The following NOS1AP variants were observed in gnomAD, a reference collection of about 807,000 sequenced individuals.
NOS1AP encodes the protein carboxyl-terminal PDZ ligand of neuronal nitric oxide synthase protein.
In NOS1AP, 21 loss-of-function variants were observed where a neutral mutation model predicts 56.2. That is an observed-to-expected ratio of 0.37 (90% confidence interval 0.26 to 0.54). The LOEUF is 0.54. Among genes scored for constraint, NOS1AP ranks in the 20% least tolerant of loss-of-function variants. The pLI is 0.84. For synonymous variants in NOS1AP, 270 were observed against 274.6 expected, an observed-to-expected ratio of 0.98 and a Z score of 0.17; for missense variants, 522 against 657.8, an observed-to-expected ratio of 0.79 and a Z score of 2.26.
chr1:162,201,004 G>A (rs547345393), intron 2 of NOS1AP, among the ~76,000 whole-genome samples: 6 of 152,186 alleles, frequency 3.9e-5, no homozygotes, highest in Admixed American at 6.5e-5. Flanking sequence ...TTTCATCACC[G>A]ACATATTAAG....
chr1:162,299,440 C>T (rs956653852), intron 3 of NOS1AP, among the ~76,000 whole-genome samples: 5 of 152,170 alleles, frequency 3.3e-5, no homozygotes, highest in African/African-American at 4.8e-5. Context: ...GGGATGTTTA[C>T]AAAACCTGGG....
intron 1 of NOS1AP, among the ~76,000 whole-genome samples, chr1:162,116,854 A>G (rs1413032245): frequency 1.3e-5 from 2 of 152,174 alleles, no homozygotes; most frequent in African/African-American, 2.4e-5. Context: ...TCCTTTTAAC[A>G]AGTACAGTTT....
At chr1:162,309,692 C>T (rs748827863) in intron 4 of NOS1AP, among the ~76,000 whole-genome samples, 1 of 151,936 alleles carries the variant, frequency 6.6e-6, no homozygotes, top group Non-Finnish European at 1.5e-5. Flanking sequence ...TGGGGACAGC[C>T]GTTTAGTTAC....
chr1:162,094,278 C>T (rs1253284308), intron 1 of NOS1AP, among the ~76,000 whole-genome samples: 4 of 152,188 alleles, frequency 2.6e-5, no homozygotes, highest in Non-Finnish European at 5.9e-5. Context: ...GGTTGGTTCT[C>T]TTCCCTATGC....
chr1:162,319,306 G>A lies in NOS1AP; in HGVS notation c.345-13711G>A, dbSNP rs539298267. On this transcript the variant is annotated intron_variant, in intron 4 of 9. Coordinates refer to ENST00000361897, the MANE Select transcript of NOS1AP (RefSeq NM_014697.3). ...TTCTGTTGATTCCCCTAAGCATTCT[G>A]TATTGCAGTAGGCTCTTGGTGGCCT... Among the ~76,000 whole-genome samples, 41 of 152,210 alleles carry A rather than the reference G, an allele frequency of 2.7e-4. No homozygotes were observed. The South Asian group carries it at 8.3e-3, about 31-fold the overall frequency.
chr1:162,130,879 G>A (rs1315429645), intron 1 of NOS1AP, among the ~76,000 whole-genome samples: 2 of 152,096 alleles, frequency 1.3e-5, no homozygotes, highest in Non-Finnish European at 2.9e-5. Flanking sequence ...CAGATTTTTT[G>A]GATTGGGATC....
chr1:162,262,646 T>C (rs1475355227), intron 2 of NOS1AP, among the ~76,000 whole-genome samples: 1 of 152,216 alleles, frequency 6.6e-6, no homozygotes, highest in African/African-American at 2.4e-5. Context: ...ACAGCCACTT[T>C]TAATAGCAAA....
chr1:162,335,412 C>A (rs1338264576), intron 5 of NOS1AP, among the ~76,000 whole-genome samples: 1 of 152,196 alleles, frequency 6.6e-6, no homozygotes, highest in Non-Finnish European at 1.5e-5. Flanking sequence ...CTGGGGAGGG[C>A]TGGGGAACAC....
intron 2 of NOS1AP, among the ~76,000 whole-genome samples, chr1:162,161,617 G>A (rs1650223539): frequency 6.6e-6 from 1 of 151,926 alleles, no homozygotes; most frequent in Admixed American, 6.6e-5. Flanking sequence ...CCCTGAGATG[G>A]GCTCTTGCTC....
At chr1:162,354,228 CA>C (rs1311622883) in intron 6 of NOS1AP, among the ~76,000 whole-genome samples, 1 of 152,226 alleles carries the variant, frequency 6.6e-6, no homozygotes, top group Non-Finnish European at 1.5e-5. Flanking sequence ...CCACCTGTTC[CA>C]TTTTATAATT....
At chr1:162,318,957 G>A (rs1456588495) in intron 4 of NOS1AP, among the ~76,000 whole-genome samples, 2 of 152,248 alleles carry the variant, frequency 1.3e-5, no homozygotes, top group East Asian at 3.9e-4. Flanking sequence ...CACACCCAGA[G>A]AAATGATTCT....
intron 2 of NOS1AP, among the ~76,000 whole-genome samples, chr1:162,191,443 T>G (rs1651644244): frequency 1.3e-5 from 2 of 152,214 alleles, no homozygotes; most frequent in African/African-American, 4.8e-5. Context: ...GCTTGTTTCT[T>G]TCTGTTTCCT....
chr1:162,090,205 G>T (rs1051500869), intron 1 of NOS1AP, among the ~76,000 whole-genome samples: 2 of 151,530 alleles, frequency 1.3e-5, no homozygotes, highest in Non-Finnish European at 2.9e-5. Context: ...TATGCGAAAG[G>T]TCAAAACTGC....
At chr1:162,104,508 G>A (rs1426892486) in intron 1 of NOS1AP, among the ~76,000 whole-genome samples, 2 of 151,758 alleles carry the variant, frequency 1.3e-5, no homozygotes, top group Admixed American at 6.6e-5. Flanking sequence ...ATGTTTTCCA[G>A]CTTGGTTCCT....
intron 2 of NOS1AP, among the ~76,000 whole-genome samples, chr1:162,182,686 A>C (rs553755064): frequency 1.3e-5 from 2 of 152,224 alleles, no homozygotes; most frequent in Non-Finnish European, 2.9e-5. Context: ...TAGCGGGTCT[A>C]CAGGGAGTAT....
At chr1:162,157,729 T>A (rs1163020158) in intron 2 of NOS1AP, among the ~76,000 whole-genome samples, 1 of 152,228 alleles carries the variant, frequency 6.6e-6, no homozygotes, top group East Asian at 1.9e-4. Context: ...GATCATCTGT[T>A]TCCCAGAGAG....
At chr1:162,343,715 T>C (rs1287194919) in intron 5 of NOS1AP, 120 bp from the exon 6 acceptor site, 17 of 1,084,762 alleles carry the variant, frequency 1.6e-5, no homozygotes, top group Non-Finnish European at 2.0e-5. Context: ...CTCATTTGTA[T>C]GTGCATATCT....
intron 2 of NOS1AP, among the ~76,000 whole-genome samples, chr1:162,245,085 C>T (rs1653617499): frequency 6.6e-6 from 1 of 152,192 alleles, no homozygotes; most frequent in East Asian, 1.9e-4. Context: ...AGAGAGGAAA[C>T]TAGTAGGATA....
At chr1:162,156,811 T>G (rs1649996111) in intron 2 of NOS1AP, among the ~76,000 whole-genome samples, 1 of 152,206 alleles carries the variant, frequency 6.6e-6, no homozygotes, top group African/African-American at 2.4e-5. Flanking sequence ...ATGTTATTAT[T>G]ACATTTTATA....
Sources: gnomAD v4.1 joint callset for allele counts (sites outside exome capture counted in the v4.1 genomes callset) on GRCh38, gnomAD v4.1.1 for gene constraint, MANE v1.5 for transcripts, NCBI Gene and HGNC (gene_info 2026-07-23, HGNC 2026-07-21) for gene names.